CDC42BPG: variants seen among roughly 807,000 people sequenced by gnomAD.
CDC42BPG encodes the protein CDC42 binding protein kinase gamma.
Under a neutral mutation model 192.2 loss-of-function variants are expected in CDC42BPG, and 157 were observed. The ratio of observed to expected loss-of-function variants is 0.82; its 90% CI spans 0.72 to 0.93. The LOEUF (loss-of-function observed/expected upper bound fraction) is 0.93. CDC42BPG is among the 40% of genes least tolerant of loss of function. CDC42BPG has a pLI of 0.00. For synonymous variants in CDC42BPG, 981 were observed against 918.5 expected (o/e 1.07, Z -1.23); for missense variants, 1,992 against 2,122.1 (o/e 0.94, Z 1.20).
chr11:64,831,367 A>G, intron 28 of CDC42BPG, 138 bp downstream of exon 28: 1 of 744,970 alleles, frequency 1.3e-6, no homozygotes, highest in Non-Finnish European at 2.1e-6. Flanking sequence ...AGGAGGCTGG[A>G]GCACATACGT....
chr11:64,830,516 C>T, intron 28 of CDC42BPG: 2 of 570,724 alleles, frequency 3.5e-6, no homozygotes, highest in South Asian at 4.0e-5. Context: ...CTTATGTAAA[C>T]TGGGGACAAC....
Position 64,829,785 on chromosome 11 carries a change from C to T in CDC42BPG, c.3653G>A (p.Arg1218His), listed in dbSNP as rs1431602501. ...LGPGPGPWQR[R>H]IRELQAPATV... ...GGCAGGTGCCTGCAGCTCACGGATG[C>T]GGCGCTGCCAGGGCCCAGGGCCCGG... The change falls in exon 30 of 37, where the codon CGC becomes CAC. Residue 1218 changes from arginine (R) to histidine (H), a missense_variant. Physicochemically the swap from Arg to His is conservative, Grantham distance 29. Around this residue, in one of 2 missense-constraint regions of CDC42BPG, gnomAD observed 1,656 missense variants for 1,844.3 expected, o/e 0.90. Coordinates refer to ENST00000342711, the MANE Select transcript of CDC42BPG (RefSeq NM_017525.3). The T allele has an allele frequency of 6.9e-6, 11 of 1,598,372 alleles. No homozygotes were observed. The highest frequency in any genetic ancestry group is 1.3e-5 in the African/African-American group (1 of 74,234).
rs1942943674 is a variant in CDC42BPG at position 64,835,576 on chromosome 11, C to A, written c.1804G>T (p.Gly602Cys). Residue 602 changes from glycine to cysteine, a missense_variant, in exon 15 of 37, where the codon GGT becomes TGT. Coordinates refer to ENST00000342711, the MANE Select transcript of CDC42BPG (RefSeq NM_017525.3). ...CTCAGTTGGGCCTCCTGAGGCCCAC[C>A]CTCAGGGGGTCCCATCCCGTTGGTC... The part of the protein sequence containing the change: ...SETNGMGPPE[G>C]GPQEAQLRKE... The A allele has an allele frequency of 6.3e-7, 1 of 1,583,342 alleles. No individual in the cohort carries two copies. The highest frequency in any genetic ancestry group is 2.2e-5 in the East Asian group (1 of 44,646).
rs747068997 is a variant in CDC42BPG, at chr11:64,827,585, G to A, written c.4092C>T (p.Ser1364=). ...KKVRPLNPEG[S]LFLYGTEKVR... ...CCTTCTCGGTGCCGTAGAGGAACAG[G>A]GAGCCCTCTGGATTGAGGGGCCGCA... The change falls in exon 32 of 37, where the codon TCC becomes TCT. Residue 1364 remains serine, a synonymous_variant. Coordinates refer to ENST00000342711, the MANE Select transcript of CDC42BPG (RefSeq NM_017525.3). 34 of 1,612,014 alleles carry A rather than the reference G, an allele frequency of 2.1e-5. No homozygotes were observed. In the Admixed American group the frequency reaches 5.2e-4, roughly 25 times the overall value.
At chr11:64,824,606 G>T in intron 36 of CDC42BPG, 77 bp from the exon 37 acceptor site, 1 of 974,278 alleles carries the variant, frequency 1.0e-6, no homozygotes, top group African/African-American at 1.6e-5. Flanking sequence ...GGGTCCTGGA[G>T]GCCCCCTTAG....
At chr11:64,830,112 G>A (rs764349836) in intron 29 of CDC42BPG, 42 bp from the exon 30 acceptor site, 1 of 1,611,708 alleles carries the variant, frequency 6.2e-7, no homozygotes, top group Non-Finnish European at 8.5e-7. Flanking sequence ...GCAGGTGGTT[G>A]AAGAGTGACC....
chr11:64,823,176 T>A lies in CDC42BPG; in HGVS notation c.*1297A>T, dbSNP rs1378645742. Among the ~76,000 whole-genome samples, 1 of 149,144 alleles carries A rather than the reference T, an allele frequency of 6.7e-6. No individual in the cohort carries two copies. Among genetic ancestry groups the A allele is most frequent in the African/African-American group, 2.5e-5 (1 of 40,592 alleles). ...ATCTCGGCTCACTGCAAGCTCCGCCTCCCGGGTTCACGCCATTCTCCTGCC... is the reference window on the plus strand; with the variant it reads ...ATCTCGGCTCACTGCAAGCTCCGCCACCCGGGTTCACGCCATTCTCCTGCC... On this transcript the variant is annotated 3_prime_UTR_variant, in exon 37 of 37. Coordinates refer to ENST00000342711, the MANE Select transcript of CDC42BPG (RefSeq NM_017525.3).
Position 64,826,552 on chromosome 11 carries a change from T to C in CDC42BPG, c.4517A>G (p.Lys1506Arg), listed in dbSNP as rs1201427553. Residue 1506 changes from lysine (K) to arginine (R), a missense_variant, in exon 36 of 37, where the codon AAG becomes AGG. Transcript: ENST00000342711. ...EGLGGDADPM[K>R]RKPWTSLSSE... ...GGACAGGGATGTCCAGGGTTTCCTC[T>C]TCACTGCTCCAGCAGCAGACGAGGA... 6 of 1,601,092 alleles carry C rather than the reference T, an allele frequency of 3.7e-6. No individual in the cohort carries two copies. Among genetic ancestry groups the C allele is most frequent in the South Asian group, 3.4e-5 (3 of 88,552 alleles).
chr11:64,838,177 G>C lies in CDC42BPG; in HGVS notation c.1126-15C>G, dbSNP rs1943107936. ...GGCAGGGTCCCCTGCAGAGGGAGAG[G>C]GAAGGAGAGTCAGAGTCCACAGGCC... On this transcript the variant is annotated splice_polypyrimidine_tract_variant and intron_variant, in intron 8 of 36. Coordinates refer to ENST00000342711, the MANE Select transcript of CDC42BPG (RefSeq NM_017525.3). The C allele has an allele frequency of 6.5e-7, 1 of 1,547,482 alleles. No individual in the cohort carries two copies. The highest frequency in any genetic ancestry group is 1.4e-5 in the African/African-American group (1 of 73,028).
intron 36 of CDC42BPG, among the ~76,000 whole-genome samples, chr11:64,825,002 C>T (rs1183518437): frequency 3.3e-5 from 5 of 151,068 alleles, no homozygotes; most frequent in East Asian, 1.9e-4. Context: ...CTGCAACCTC[C>T]GCCTCCCAGG....
At chr11:64,840,293 A>G (rs753716648) in intron 4 of CDC42BPG, 25 bp from the exon 5 acceptor site, 1 of 1,603,724 alleles carries the variant, frequency 6.2e-7, no homozygotes, top group Non-Finnish European at 8.5e-7. Context: ...CAAGAATCAG[A>G]CCCGGGGGAA....
chr11:64,828,124 G>A (rs533120513), intron 30 of CDC42BPG, among the ~76,000 whole-genome samples: 1 of 152,158 alleles, frequency 6.6e-6, no homozygotes, highest in Non-Finnish European at 1.5e-5. Context: ...CCTGAGAGCT[G>A]CGATTTGGCC....
chr11:64,829,701 A>G lies in CDC42BPG; in HGVS notation c.3737T>C (p.Phe1246Ser). ...CTCGTTGAGCAGCGGGTAGAGTGCA[A>G]AGCCACCGGCGGCGCCCACACATAG... Reference protein sequence around the residue: ...DRLCVGAAGGFALYPLLNEAA... With the variant: ...DRLCVGAAGGSALYPLLNEAA... Residue 1246 changes from phenylalanine (F) to serine (S), a missense_variant, in exon 30 of 37, where the codon TTT (phenylalanine) becomes TCT (serine). By Grantham distance (155) the Phe-to-Ser change is radical. Coordinates refer to ENST00000342711, the MANE Select transcript of CDC42BPG (RefSeq NM_017525.3). The G allele has an allele frequency of 6.2e-7, 1 of 1,611,168 alleles. No individual in the cohort carries two copies. The highest frequency in any genetic ancestry group is 8.5e-7 in the Non-Finnish European group (1 of 1,179,324).
At position 64,827,566 on chromosome 11, in the gene CDC42BPG, C is replaced by CGGT. The variant is rs1565670027; in HGVS notation, c.4108_4110dup (p.Thr1370dup). ...CTGAGGTAGGTCAGGCGGACCTTCT[C>CGGT]GGTGCCGTAGAGGAACAGGGAGCCC... On this transcript the variant is annotated inframe_insertion, in exon 32 of 37. Coordinates refer to ENST00000342711, the MANE Select transcript of CDC42BPG (RefSeq NM_017525.3). 6.2e-7 allele frequency: 1 copy of CGGT among 1,612,684 alleles called. No homozygotes were observed. Among genetic ancestry groups the CGGT allele is most frequent in the East Asian group, 2.2e-5 (1 of 44,834 alleles).
Position 64,838,172 on chromosome 11 carries a change from G to A in CDC42BPG, c.1126-10C>T, listed in dbSNP as rs955884523. The A allele has an allele frequency of 2.6e-6, 4 of 1,547,704 alleles. No homozygotes were observed. In the Admixed American group the frequency reaches 7.9e-5, roughly 30 times the overall value. Reference sequence around the variant, plus strand: ...GCGGTGGCAGGGTCCCCTGCAGAGGGAGAGGGAAGGAGAGTCAGAGTCCAC... The same window carrying A: ...GCGGTGGCAGGGTCCCCTGCAGAGGAAGAGGGAAGGAGAGTCAGAGTCCAC... On this transcript the variant is annotated splice_polypyrimidine_tract_variant and intron_variant, in intron 8 of 36. Transcript: ENST00000342711.
Position 64,824,264 on chromosome 11 carries a change from G to A in CDC42BPG, c.*209C>T. On this transcript the variant is annotated 3_prime_UTR_variant, in exon 37 of 37. Coordinates refer to ENST00000342711, the MANE Select transcript of CDC42BPG (RefSeq NM_017525.3). Reference sequence around the variant, plus strand: ...CAATGGCTTAGAAAGGCTGGGGCTGGGAACAGAGGGGTAAGGCAGGATGAG... The same window carrying A: ...CAATGGCTTAGAAAGGCTGGGGCTGAGAACAGAGGGGTAAGGCAGGATGAG... 1.6e-6 allele frequency: 1 copy of A among 634,828 alleles called. No individual in the cohort carries two copies. The highest frequency in any genetic ancestry group is 2.9e-6 in the Non-Finnish European group (1 of 347,100). 39.3% of individuals were successfully genotyped at this position (634,828 alleles called of 1,614,324 possible).
Position 64,824,494 on chromosome 11 carries a change from AG to A in CDC42BPG, c.4634del (p.Pro1545LeufsTer12). ...GGCATCAAGGAGAGCTCTCCAATTC[AG>A]GGGATAGGGGGAGGCTTCGGGGCCG... is the stretch of plus-strand genomic sequence containing the variant. ...SERPRSLPLS[P>X]ELESSP is the part of the protein sequence containing the mutation. On this transcript the variant is annotated frameshift_variant, in exon 37 of 37. Coordinates refer to ENST00000342711, the MANE Select transcript of CDC42BPG (RefSeq NM_017525.3). LOFTEE classifies it high-confidence loss of function. 6.2e-7 allele frequency: 1 copy of A among 1,607,010 alleles called. No homozygotes were observed. Among genetic ancestry groups the A allele is most frequent in the Non-Finnish European group, 8.5e-7 (1 of 1,173,412 alleles).
rs1004725787 is a variant in CDC42BPG, at chr11:64,823,071, T to C, written c.*1402A>G. 3.3e-5 allele frequency among the ~76,000 whole-genome samples: 5 copies of C among 150,054 alleles called. No individual in the cohort carries two copies. The highest frequency in any genetic ancestry group is 9.8e-5 in the African/African-American group (4 of 40,994). Reference sequence around the variant, plus strand: ...CCAGCAGCTTACAAAGCTGTCTTTATTGGTTTCCTTTTCTTTTCTTTTTTT... The same window carrying C: ...CCAGCAGCTTACAAAGCTGTCTTTACTGGTTTCCTTTTCTTTTCTTTTTTT... On this transcript the variant is annotated 3_prime_UTR_variant, in exon 37 of 37. Transcript: ENST00000342711.
chr11:64,844,573 T>G lies in CDC42BPG; in HGVS notation c.-4A>C. 1 of 1,266,864 alleles carries G rather than the reference T, an allele frequency of 7.9e-7. No homozygotes were observed. Among genetic ancestry groups the G allele is most frequent in the Non-Finnish European group, 9.9e-7 (1 of 1,006,816 alleles). 78.5% of individuals were successfully genotyped at this position (1,266,864 alleles called of 1,614,324 possible). On this transcript the variant is annotated 5_prime_UTR_variant, in exon 1 of 37. Coordinates refer to ENST00000342711, the MANE Select transcript of CDC42BPG (RefSeq NM_017525.3). Reference sequence around the variant, plus strand: ...GCGCGCGCAGCCGCCGCTCCATGGCTGCGGCCGGAGCCTCGCTGCTCGGCT... The same window carrying G: ...GCGCGCGCAGCCGCCGCTCCATGGCGGCGGCCGGAGCCTCGCTGCTCGGCT...
Sources: allele counts gnomAD v4.1 joint callset (sites outside exome capture counted in the v4.1 genomes callset), GRCh38; gene constraint gnomAD v4.1.1; regional missense constraint gnomAD v4.1.1; transcripts MANE v1.5; gene names NCBI Gene and HGNC (gene_info 2026-07-23, HGNC 2026-07-21).